Variants in FAH observed in about 807,000 individuals in gnomAD.
The protein encoded by FAH is fumarylacetoacetate hydrolase.
FAH carries 47 observed loss-of-function variants against 55.8 expected under a neutral mutation model. The ratio of observed to expected loss-of-function variants is 0.84; its 90% confidence interval spans 0.67 to 1.07. FAH has a LOEUF of 1.07. Among genes scored for constraint, FAH ranks in the 50% least tolerant of loss-of-function variants. The pLI is 0.00. For synonymous variants in FAH, 199 were observed against 207.7 expected (o/e 0.96, Z 0.36); for missense variants, 495 against 545.9 (o/e 0.91, Z 0.93).
upstream of FAH, chr15:80,152,798 G>A (rs1234368855): frequency 8.8e-6 from 4 of 453,768 alleles, no homozygotes; most frequent in Non-Finnish European, 1.6e-5. Flanking sequence ...GGCTCTGGAA[G>A]GGCGGGCGAG....
At chr15:80,182,284 T>A (rs1273018899) in intron 13 of FAH, among the ~76,000 whole-genome samples, 1 of 152,134 alleles carries the variant, frequency 6.6e-6, no homozygotes, top group Non-Finnish European at 1.5e-5. Context: ...TAATCACATC[T>A]CCAGAAAATT....
chr15:80,171,839 C>T (rs2142100709), intron 7 of FAH, among the ~76,000 whole-genome samples: 1 of 152,260 alleles, frequency 6.6e-6, no homozygotes, highest in South Asian at 2.1e-4. Flanking sequence ...TCTTGAAAGG[C>T]AAAGGCTGTA....
intron 3 of FAH, chr15:80,160,119 C>G (rs1292009764): frequency 4.7e-6 from 3 of 636,296 alleles, no homozygotes; most frequent in East Asian, 2.7e-5. Flanking sequence ...TTGGCCCTCT[C>G]TCTTACTCAG....
intron 5 of FAH, among the ~76,000 whole-genome samples, chr15:80,165,121 G>A (rs779506166): frequency 5.3e-5 from 8 of 152,192 alleles, no homozygotes; most frequent in Admixed American, 2.0e-4. Flanking sequence ...GGCTGGGCGC[G>A]GTGGCTCACA....
At chr15:80,180,040 GCA>G in intron 11 of FAH, 82 bp from the exon 12 acceptor site, 3 of 1,009,402 alleles carry the variant, frequency 3.0e-6, no homozygotes, top group Non-Finnish European at 4.6e-6. Flanking sequence ...GCGGTCGTGA[GCA>G]GGGCAGGCTG....
In FAH at chr15:80,176,980, G is replaced by A. The variant is rs2041289524; in HGVS notation, c.914-557G>A. ...ACCAAGGGAGGAAGCCAGGTTTTGA[G>A]GGAGCAGAGGAGCTTTCTACTTATT... is the stretch of plus-strand genomic sequence containing the variant. On this transcript the variant is annotated intron_variant, in intron 10 of 13. Transcript: ENST00000561421. Among the ~76,000 whole-genome samples the A allele has an allele frequency of 2.0e-5, 3 of 152,324 alleles. No individual in the cohort carries two copies. The South Asian group carries it at 6.2e-4, about 32-fold the overall frequency.
chr15:80,159,968 TG>T (rs2041134958), intron 3 of FAH, 91 bp downstream of exon 3: 2 of 1,527,892 alleles, frequency 1.3e-6, no homozygotes, highest in Non-Finnish European at 1.8e-6. Context: ...AGTCACGGCT[TG>T]GCAGCCTTAG....
At chr15:80,172,315 T>C (rs1003905289) in intron 8 of FAH, 67 bp downstream of exon 8, 22 of 1,222,558 alleles carry the variant, frequency 1.8e-5, no homozygotes, top group South Asian at 1.3e-4. Flanking sequence ...GGCAATTTCA[T>C]AGAAGCTGAA....
At chr15:80,162,768 C>T (rs2041159834) in intron 5 of FAH, 2 of 265,300 alleles carry the variant, frequency 7.5e-6, no homozygotes, top group Non-Finnish European at 1.5e-5. Flanking sequence ...GTTTGATCCT[C>T]GTAGTAGTTC....
chr15:80,172,380 G>A (rs1223540902), intron 8 of FAH, 132 bp downstream of exon 8: 2 of 693,810 alleles, frequency 2.9e-6, no homozygotes, highest in Non-Finnish European at 5.1e-6. Context: ...GTGGGGGTCT[G>A]GGTATCAAAC....
At chr15:80,183,119 A>G (rs932902276) in intron 13 of FAH, among the ~76,000 whole-genome samples, 1 of 152,200 alleles carries the variant, frequency 6.6e-6, no homozygotes, top group Non-Finnish European at 1.5e-5. Flanking sequence ...TTGTGTATAC[A>G]ACGCCTTACT....
At chr15:80,156,947 G>C (rs1407959262) in intron 1 of FAH, 1 of 152,450 alleles carries the variant, frequency 6.6e-6, no homozygotes, top group African/African-American at 2.4e-5. Flanking sequence ...CCTTCAGCTG[G>C]GGTGTGGGGA....
Position 80,177,555 on chromosome 15 carries a change from C to T in FAH, c.932C>T (p.Ala311Val), listed in dbSNP as rs529709868. 36 of 1,613,786 alleles carry T rather than the reference C, an allele frequency of 2.2e-5. No individual in the cohort carries two copies. The highest frequency in any genetic ancestry group is 8.9e-5 in the East Asian group (4 of 44,894). ...CCAACAGGAGAAGGAATGAGCCAGG[C>T]GGCTACCATATGCAAGTCCAATTTT... ...VNLKGEGMSQ[A>V]ATICKSNFKY... is the part of the protein sequence containing the mutation. The change falls in exon 11 of 14, where the codon GCG becomes GTG. Residue 311 changes from alanine to valine, a missense_variant. Ala to Val is a moderately conservative substitution (Grantham distance 64, BLOSUM62 0). Transcript: ENST00000561421.
At chr15:80,181,546 G>A (rs554264109) in intron 13 of FAH, among the ~76,000 whole-genome samples, 1 of 152,264 alleles carries the variant, frequency 6.6e-6, no homozygotes, top group Admixed American at 6.5e-5. Flanking sequence ...GTTCCAAGGA[G>A]GTGAGGGTGC....
chr15:80,168,248 T>TC lies in FAH; in HGVS notation c.554-15dup. On this transcript the variant is annotated splice_polypyrimidine_tract_variant and intron_variant, in intron 6 of 13. Transcript: ENST00000561421. ...CTCACAGCACCGTTTTTTTTTTTTT[T>TC]CTGGTGTTATTCCAGCTAAGCCTCC... is the stretch of plus-strand genomic sequence containing the variant. 1.2e-6 allele frequency: 2 copies of TC among 1,609,982 alleles called. No individual in the cohort carries two copies. The highest frequency in any genetic ancestry group is 1.7e-6 in the Non-Finnish European group (2 of 1,179,146).
At chr15:80,153,887 A>G (rs1336833719) in intron 1 of FAH, among the ~76,000 whole-genome samples, 1 of 152,204 alleles carries the variant, frequency 6.6e-6, no homozygotes, top group East Asian at 1.9e-4. Context: ...TTCTGCTCCC[A>G]ACTTTAAAGG....
chr15:80,178,396 T>A (rs879872557), intron 11 of FAH, among the ~76,000 whole-genome samples: 1 of 151,960 alleles, frequency 6.6e-6, no homozygotes, highest in Non-Finnish European at 1.5e-5. Context: ...TCTGCTACCA[T>A]GTATTATTTT....
intron 12 of FAH, 23 bp downstream of exon 12, chr15:80,180,248 G>A: frequency 6.4e-7 from 1 of 1,564,416 alleles, no homozygotes; most frequent in Non-Finnish European, 8.7e-7. Context: ...CTGCACTGAG[G>A]GCTGCCCACG....
Position 80,181,163 on chromosome 15 carries a change from AG to A in FAH, c.1180+7del. 1.3e-6 allele frequency: 2 copies of A among 1,597,504 alleles called. No homozygotes were observed. Among genetic ancestry groups the A allele is most frequent in the Non-Finnish European group, 1.7e-6 (2 of 1,165,318 alleles). On this transcript the variant is annotated splice_donor_5th_base_variant and intron_variant, in intron 13 of 13. Transcript: ENST00000561421. The stretch of plus-strand genomic sequence containing the variant: ...GGGGATGAAGTCATCATAACAGGTG[AG>A]GGCTGCCAAACCCAGCAGCTCGTCT...
Sources: allele counts gnomAD v4.1 joint callset (sites outside exome capture counted in the v4.1 genomes callset), GRCh38; gene constraint gnomAD v4.1.1; transcripts MANE v1.5; gene names NCBI Gene and HGNC (gene_info 2026-07-23, HGNC 2026-07-21).